PLPP3: variants seen among roughly 807,000 people sequenced by gnomAD.
PLPP3 encodes PAP2 beta.
Under a neutral mutation model 29.6 loss-of-function variants are expected in PLPP3, and 6 were observed. That is an observed-to-expected ratio of 0.20 (90% CI 0.11 to 0.40). PLPP3 has a LOEUF of 0.40. Ranked by LOEUF, PLPP3 falls within the 10% of genes least tolerant of loss-of-function variation. The pLI is 1.00. For synonymous variants in PLPP3, 152 were observed against 159.7 expected (o/e 0.95, Z 0.36); for missense variants, 308 against 407.7 (o/e 0.76, Z 2.11).
intron 1 of PLPP3, among the ~76,000 whole-genome samples, chr1:56,565,996 G>C (rs917766821): frequency 1.3e-5 from 2 of 152,214 alleles, no homozygotes; most frequent in Admixed American, 6.5e-5. Flanking sequence ...AGAGTGAACT[G>C]ACAGCAGTCA....
At chr1:56,532,444 C>G (rs960956598) in intron 2 of PLPP3, among the ~76,000 whole-genome samples, 1 of 151,838 alleles carries the variant, frequency 6.6e-6, no homozygotes. Context: ...ACCTTGTTTT[C>G]TTGGCAGGGC....
At chr1:56,537,355 C>T (rs997018927) in intron 1 of PLPP3, among the ~76,000 whole-genome samples, 2 of 152,070 alleles carry the variant, frequency 1.3e-5, no homozygotes, top group African/African-American at 2.4e-5. Flanking sequence ...CCCAAGAGCT[C>T]GGAGGTAGGC....
chr1:56,561,117 GA>G (rs1646124923), intron 1 of PLPP3, among the ~76,000 whole-genome samples: 1 of 151,914 alleles, frequency 6.6e-6, no homozygotes, highest in African/African-American at 2.4e-5. Context: ...AAAGTGCTGG[GA>G]TTACAGGCGT....
At chr1:56,536,866 A>G in intron 2 of PLPP3, 89 bp downstream of exon 2, 7 of 1,527,576 alleles carry the variant, frequency 4.6e-6, no homozygotes, top group Admixed American at 1.8e-5. Flanking sequence ...TCTACTTGGT[A>G]TAAGTCTCTG....
At chr1:56,536,741 C>A (rs144016892) in intron 2 of PLPP3, among the ~76,000 whole-genome samples, 1 of 152,116 alleles carries the variant, frequency 6.6e-6, no homozygotes, top group Non-Finnish European at 1.5e-5. Flanking sequence ...TCTTTGAGTA[C>A]GTCATTTAAC....
At chr1:56,551,775 C>G (rs1646041245) in intron 1 of PLPP3, among the ~76,000 whole-genome samples, 1 of 152,212 alleles carries the variant, frequency 6.6e-6, no homozygotes, top group Non-Finnish European at 1.5e-5. Context: ...AGTGCACTGA[C>G]TATACAAAAT....
At chr1:56,548,779 G>A (rs1045899572) in intron 1 of PLPP3, among the ~76,000 whole-genome samples, 2 of 152,048 alleles carry the variant, frequency 1.3e-5, no homozygotes, top group Admixed American at 6.6e-5. Context: ...GCAGCCAGCT[G>A]GCATGCAATA....
At chr1:56,565,041 A>G (rs2100301214) in intron 1 of PLPP3, among the ~76,000 whole-genome samples, 1 of 152,366 alleles carries the variant, frequency 6.6e-6, no homozygotes, top group East Asian at 1.9e-4. Flanking sequence ...TGTAACAATG[A>G]GAAATAATGG....
chr1:56,524,947 G>A lies in PLPP3; in HGVS notation c.298-393C>T, dbSNP rs937772699. Among the ~76,000 whole-genome samples, 3 of 152,018 alleles carry A rather than the reference G, an allele frequency of 2.0e-5. No individual in the cohort carries two copies. The highest frequency in any genetic ancestry group is 2.9e-5 in the Non-Finnish European group (2 of 67,986). ...ATGTCACAGGGTCTGAGCAAATCTCGAGATTCTGAGATTTGGGGTAAAGGA... is the reference window on the plus strand; with the variant it reads ...ATGTCACAGGGTCTGAGCAAATCTCAAGATTCTGAGATTTGGGGTAAAGGA... On this transcript the variant is annotated intron_variant, in intron 2 of 5. Coordinates refer to ENST00000371250, the MANE Select transcript of PLPP3 (RefSeq NM_003713.5). The surrounding 1 kb of genome is among the most constrained non-coding windows in gnomAD (Gnocchi z 4.3).
intron 1 of PLPP3, among the ~76,000 whole-genome samples, chr1:56,551,289 T>TGGTTCGGTTC (rs1169681447): frequency 6.7e-6 from 1 of 149,004 alleles, no homozygotes; most frequent in Non-Finnish European, 1.5e-5. Flanking sequence ...GGGTTTGGTT[T>TGGTTCGGTTC]GGTTCGGTTC....
intron 1 of PLPP3, among the ~76,000 whole-genome samples, chr1:56,573,725 C>G (rs1646216060): frequency 6.6e-6 from 1 of 152,182 alleles, no homozygotes; most frequent in Non-Finnish European, 1.5e-5. Flanking sequence ...ATAACGTGTA[C>G]TGGATTGAAC....
At chr1:56,506,871 C>G (rs115145200) in intron 5 of PLPP3, among the ~76,000 whole-genome samples, 2,590 of 152,246 alleles carry the variant, frequency 0.017, 26 homozygotes, top group Middle Eastern at 0.031. Flanking sequence ...TGCCCATGCA[C>G]CTCATGGTCT....
chr1:56,532,336 A>T (rs1200570025), intron 2 of PLPP3, among the ~76,000 whole-genome samples: 1 of 152,008 alleles, frequency 6.6e-6, no homozygotes, highest in Non-Finnish European at 1.5e-5. Context: ...AAACTGGGGG[A>T]CTGGGTCTCC....
intron 1 of PLPP3, among the ~76,000 whole-genome samples, chr1:56,546,432 G>A (rs1163235349): frequency 6.6e-6 from 1 of 152,156 alleles, no homozygotes; most frequent in African/African-American, 2.4e-5. Context: ...AATAACTCTT[G>A]ATGCCGTAAT....
chr1:56,511,303 G>A (rs1569867993), intron 5 of PLPP3, among the ~76,000 whole-genome samples: 2 of 152,154 alleles, frequency 1.3e-5, no homozygotes, highest in African/African-American at 4.8e-5. Flanking sequence ...TATGTGAAAA[G>A]GTAACCCATT....
chr1:56,525,306 C>T (rs746706660), intron 2 of PLPP3, among the ~76,000 whole-genome samples: 111 of 152,150 alleles, frequency 7.3e-4, no homozygotes, highest in Non-Finnish European at 1.3e-3. Flanking sequence ...ACTTGTAGTA[C>T]GATGCCCTTC....
Position 56,557,031 on chromosome 1 carries a change from AGAGAGAGAGAGAGAGAG to A in PLPP3, c.140-19936_140-19920del, listed in dbSNP as rs1557513693. ...GAAAGAGAGAGAGAGAGAGAAAGAG[AGAGAGAGAGAGAGAGAG>A]AGAGAGAGAGAAAGAAAGAAAGAAA... is the stretch of plus-strand genomic sequence containing the variant. On this transcript the variant is annotated intron_variant, in intron 1 of 5. Coordinates refer to ENST00000371250, the MANE Select transcript of PLPP3 (RefSeq NM_003713.5). Among the ~76,000 whole-genome samples the A allele has an allele frequency of 3.1e-4, 12 of 38,328 alleles. 4 individuals are homozygous for A. The highest frequency in any genetic ancestry group is 5.7e-4 in the East Asian group (1 of 1,764). The allele number at this position is 38,328 out of a possible 152,430, so 25.1% of individuals were successfully genotyped here. A position where few individuals can be genotyped will look rare whatever the true frequency, so the allele number is the denominator to read the frequency against.
intron 1 of PLPP3, among the ~76,000 whole-genome samples, chr1:56,568,081 G>T (rs535267528): frequency 2.0e-5 from 3 of 152,290 alleles, no homozygotes; most frequent in African/African-American, 7.2e-5. Flanking sequence ...GAAATATTCA[G>T]AACAGGCAAA....
intron 1 of PLPP3, among the ~76,000 whole-genome samples, chr1:56,557,012 G>GAAAGAAAGAAAGAAAGAA (rs60511169): frequency 4.4e-4 from 4 of 9,120 alleles, no homozygotes; most frequent in African/African-American, 9.4e-4. Context: ...GAAAGAAAGA[G>GAAAGAAAGAAAGAAAGAA]AGAGAGAGAG....
Sources: allele counts gnomAD v4.1 joint callset (sites outside exome capture counted in the v4.1 genomes callset), GRCh38; gene constraint gnomAD v4.1.1; non-coding constraint Gnocchi (gnomAD v3.1); transcripts MANE v1.5; gene names NCBI Gene and HGNC (gene_info 2026-07-23, HGNC 2026-07-21).